OVCH2: variants seen among roughly 807,000 people sequenced by gnomAD.
OVCH2 encodes ovochymase-2.
A neutral mutation model predicts 73.7 loss-of-function variants in OVCH2; 88 were observed. The observed-to-expected ratio is 1.19, with a 90% CI of 1.01 to 1.43. The LOEUF (loss-of-function observed/expected upper bound fraction) is 1.43, where lower values mean the gene tolerates loss of function less well. OVCH2 is among the 40% of genes most tolerant of loss of function. The pLI, the probability that OVCH2 is intolerant of heterozygous loss-of-function variation, is 0.00. For synonymous variants in OVCH2, 265 were observed against 234.5 expected, an observed-to-expected ratio of 1.13 and a Z score of -1.19; for missense variants, 706 against 674.5, an observed-to-expected ratio of 1.05 and a Z score of -0.52.
At chr11:7,679,418 A>G in the OVCH2 span, among the ~76,000 whole-genome samples, 1 of 152,202 alleles carries the variant, frequency 6.6e-6, no homozygotes, top group Non-Finnish European at 1.5e-5. Context: ...ATCTTGAATT[A>G]TAATCCCCAT....
At position 7,702,231 on chromosome 11, in the gene OVCH2, T is replaced by C; in HGVS notation, c.389A>G (p.His130Arg). Residue 130 changes from histidine to arginine, a missense_variant, in exon 4 of 16, where the codon CAT becomes CGT. By Grantham distance (29) the His-to-Arg change is conservative (BLOSUM62 0). Transcript: ENST00000533663. ...TGGTTTCTTGGTGGAGAAATGTGGA[T>C]GTATGATGACAGTTTCAATAGTGAG... ...QTLTIETVIIHPHFSTKKPMD... is the reference protein window; with the variant it reads ...QTLTIETVIIRPHFSTKKPMD... 6.2e-7 allele frequency: 1 copy of C among 1,613,196 alleles called. No homozygotes were observed. The highest frequency in any genetic ancestry group is 8.5e-7 in the Non-Finnish European group (1 of 1,179,410).
intron 8 of OVCH2, among the ~76,000 whole-genome samples, chr11:7,697,546 A>G (rs1323641976): frequency 6.6e-6 from 1 of 152,084 alleles, no homozygotes; most frequent in Non-Finnish European, 1.5e-5. Flanking sequence ...AGAACTCAAT[A>G]TGCTATAAAT....
rs1305833706 is a variant in OVCH2 at position 7,692,015 on chromosome 11, C to T, written c.1414-20G>A. 6.0e-6 allele frequency: 9 copies of T among 1,510,056 alleles called. No individual in the cohort carries two copies. The highest frequency in any genetic ancestry group is 9.0e-7 in the Non-Finnish European group (1 of 1,109,672). The allele number at this position is 1,510,056 out of a possible 1,614,324, so 93.5% of individuals were successfully genotyped here. On this transcript the variant is annotated intron_variant, in intron 12 of 15. Coordinates refer to ENST00000533663, the MANE Select transcript of OVCH2 (RefSeq NM_198185.7). ...TGAAAGCTGAGAAGACACGAAGTTA[C>T]ATCCAGAGTAAACAATCTGAATGAA...
rs2136156474 is a variant in OVCH2, at chr11:7,696,876, A to G, written c.926-77T>C. The G allele has an allele frequency of 3.8e-6, 5 of 1,303,928 alleles. No homozygotes were observed. The Admixed American group carries it at 9.9e-5, about 26-fold the overall frequency. The allele number at this position is 1,303,928 out of a possible 1,614,324, so 80.8% of individuals were successfully genotyped here. A position where few individuals can be genotyped will look rare whatever the true frequency, so the allele number is the denominator to read the frequency against. On this transcript the variant is annotated intron_variant, in intron 8 of 15. Coordinates refer to ENST00000533663, the MANE Select transcript of OVCH2 (RefSeq NM_198185.7). ...CAGCCCCTCCCTCCAGAAGCTGCAA[A>G]CACCATAGCCTCCTGGTTCTTCTTG...
At position 7,704,554 on chromosome 11, in the gene OVCH2, T is replaced by C; in HGVS notation, c.198+11A>G. On this transcript the variant is annotated intron_variant, in intron 2 of 15. Coordinates refer to ENST00000533663, the MANE Select transcript of OVCH2 (RefSeq NM_198185.7). The stretch of plus-strand genomic sequence containing the variant: ...CACAGTTCTTGATGCATAGAAGTCC[T>C]TGAGACTCACCTGCCAGGGATAGGA... 6.4e-7 allele frequency: 1 copy of C among 1,573,474 alleles called. No homozygotes were observed. Among genetic ancestry groups the C allele is most frequent in the Non-Finnish European group, 8.7e-7 (1 of 1,145,588 alleles).
intron 12 of OVCH2, 103 bp from the exon 13 acceptor site, chr11:7,692,098 A>G (rs376793511): frequency 7.7e-6 from 6 of 783,950 alleles, no homozygotes; most frequent in South Asian, 3.3e-5. Context: ...CTGGAGTAAG[A>G]CCTTAGATAA....
At chr11:7,685,048 G>A (rs1856127699), downstream of OVCH2, among the ~76,000 whole-genome samples, 1 of 152,186 alleles carries the variant, frequency 6.6e-6, no homozygotes, top group Non-Finnish European at 1.5e-5. Context: ...TTCTCATGGA[G>A]GGTAACACAA....
intron 10 of OVCH2, 68 bp from the exon 11 acceptor site, chr11:7,695,778 A>G: frequency 5.2e-6 from 8 of 1,541,226 alleles, no homozygotes; most frequent in Non-Finnish European, 7.0e-6. Context: ...ATGATTTAAG[A>G]AGAACTGAAT....
At chr11:7,694,065 C>T (rs931607430) in intron 12 of OVCH2, among the ~76,000 whole-genome samples, 2 of 152,218 alleles carry the variant, frequency 1.3e-5, no homozygotes, top group Admixed American at 1.3e-4. Flanking sequence ...CTTTCCATCT[C>T]TTAAGTGAGA....
rs529091363 is a variant in OVCH2 at position 7,700,541 on chromosome 11, GCTCA to G, written c.712-60_712-57del. On this transcript the variant is annotated intron_variant, in intron 6 of 15. Transcript: ENST00000533663. ...ACTGTCAGTGTCTATGCCCCAAAATGCTCACTGTTTCCTCACAAGGATGCTGGAG... is the reference window on the plus strand; with the variant it reads ...ACTGTCAGTGTCTATGCCCCAAAATGCTGTTTCCTCACAAGGATGCTGGAG... 3.7e-5 allele frequency: 56 copies of G among 1,523,510 alleles called. 1 individual carries two copies. In the African/African-American group the frequency reaches 6.8e-4, roughly 18 times the overall value. 94.4% of individuals were successfully genotyped at this position (1,523,510 alleles called of 1,614,324 possible). A position where few individuals can be genotyped will look rare whatever the true frequency, so the allele number is the denominator to read the frequency against.
the OVCH2 span, among the ~76,000 whole-genome samples, chr11:7,683,217 G>T: frequency 6.6e-6 from 1 of 152,122 alleles, no homozygotes. Context: ...CCTTTTAAAT[G>T]AATAGGCAAA....
the OVCH2 span, among the ~76,000 whole-genome samples, chr11:7,683,510 C>G: frequency 1.3e-5 from 2 of 152,190 alleles, no homozygotes; most frequent in East Asian, 3.8e-4. Flanking sequence ...ACTGATCTCT[C>G]TGCTTCCTCC....
chr11:7,688,338 C>T (rs1856165886), downstream of OVCH2, among the ~76,000 whole-genome samples: 1 of 152,172 alleles, frequency 6.6e-6, no homozygotes, highest in South Asian at 2.1e-4. Flanking sequence ...TCATCTTCAA[C>T]CTCTCACACC....
chr11:7,696,912 C>T (rs1856347748), intron 8 of OVCH2, 113 bp from the exon 9 acceptor site: 6 of 945,264 alleles, frequency 6.3e-6, no homozygotes, highest in Admixed American at 4.7e-5. Flanking sequence ...ATGTACTCTT[C>T]GTTCTTCATG....
In OVCH2 at chr11:7,689,865, C is replaced by G. The variant is rs114708973; in HGVS notation, c.*31+59G>C. The G allele has an allele frequency of 1.0e-3, 1,086 of 1,061,434 alleles. 6 individuals carry two copies. The African/African-American group carries it at 0.016, about 15-fold the overall frequency. The allele number at this position is 1,061,434 out of a possible 1,614,324, so 65.8% of individuals were successfully genotyped here. ...GGAATTAAATCCATATCACCTGCTT[C>G]TCCGGTTGAACCCTGGATTATACTC... On this transcript the variant is annotated intron_variant, in intron 15 of 15. Coordinates refer to ENST00000533663, the MANE Select transcript of OVCH2 (RefSeq NM_198185.7).
At chr11:7,689,776 C>CT in intron 15 of OVCH2, 148 bp downstream of exon 15, 1 of 696,176 alleles carries the variant, frequency 1.4e-6, no homozygotes. Context: ...ACAACCCTAT[C>CT]TCTAAATAAG....
chr11:7,689,165 AAAG>A (rs1260757967), downstream of OVCH2, among the ~76,000 whole-genome samples: 3 of 152,222 alleles, frequency 2.0e-5, no homozygotes, highest in African/African-American at 4.8e-5. Flanking sequence ...GACTCTAGGT[AAAG>A]AAGATCATCT....
At chr11:7,687,767 A>T (rs1359286532), downstream of OVCH2, among the ~76,000 whole-genome samples, 1 of 152,092 alleles carries the variant, frequency 6.6e-6, no homozygotes, top group East Asian at 1.9e-4. Flanking sequence ...TTAAACAAGA[A>T]ATTTATTTCA....
At position 7,706,420 on chromosome 11, in the gene OVCH2, A is replaced by C; in HGVS notation, c.-26T>G. Reference sequence around the variant, plus strand: ...TTTGAGACTCATAGTTTTTCCCTGAAATTTTAGAGAGACTAAAGCAAACAA... The same window carrying C: ...TTTGAGACTCATAGTTTTTCCCTGACATTTTAGAGAGACTAAAGCAAACAA... On this transcript the variant is annotated 5_prime_UTR_variant, in exon 1 of 16. The change creates a new upstream start codon in the 5' untranslated region. Coordinates refer to ENST00000533663, the MANE Select transcript of OVCH2 (RefSeq NM_198185.7). 1 of 1,548,474 alleles carries C rather than the reference A, an allele frequency of 6.5e-7. No individual in the cohort carries two copies. The highest frequency in any genetic ancestry group is 8.7e-7 in the Non-Finnish European group (1 of 1,146,858).
Sources: allele counts gnomAD v4.1 joint callset (sites outside exome capture counted in the v4.1 genomes callset), GRCh38; gene constraint gnomAD v4.1.1; transcripts MANE v1.5; gene names NCBI Gene and HGNC (gene_info 2026-07-23, HGNC 2026-07-21).